The following HOXA9 variants were observed in gnomAD, a reference collection of about 807,000 sequenced individuals.
HOXA9 encodes homeobox A9.
A neutral mutation model predicts 19.0 loss-of-function variants in HOXA9; 18 were observed. The ratio of observed to expected loss-of-function variants is 0.95; its 90% confidence interval spans 0.65 to 1.40. The LOEUF (loss-of-function observed/expected upper bound fraction) is 1.40, where lower values mean the gene tolerates loss of function less well. HOXA9 is among the 40% of genes most tolerant of loss of function. The pLI is 0.00. For missense variants in HOXA9, 443 were observed against 372.2 expected (o/e 1.19, Z -1.57); for synonymous variants, 198 against 161.1 (o/e 1.23, Z -1.73).
At position 27,164,728 on chromosome 7, in the gene HOXA9, G is replaced by A. The variant is rs542299762; in HGVS notation, c.580+150C>T. On this transcript the variant is annotated intron_variant, in intron 1 of 1. Coordinates refer to ENST00000343483, the MANE Select transcript of HOXA9 (RefSeq NM_152739.4). ...TCTCCAGACTTGGGGCCCTATCTGA[G>A]GCGTCCCAAACACCAACTTCTGGCT... The A allele has an allele frequency of 2.1e-5, 27 of 1,258,192 alleles. No homozygotes were observed. In the African/African-American group the frequency reaches 3.3e-4, roughly 15 times the overall value. 77.9% of individuals were successfully genotyped at this position (1,258,192 alleles called of 1,614,324 possible). A position where few individuals can be genotyped will look rare whatever the true frequency, so the allele number is the denominator to read the frequency against.
At position 27,162,669 on chromosome 7, in the gene HOXA9, C is replaced by T. The variant is rs777287088; in HGVS notation, c.*934G>A. 19 of 211,134 alleles carry T rather than the reference C, an allele frequency of 9.0e-5. No homozygotes were observed. The highest frequency in any genetic ancestry group is 1.6e-4 in the Non-Finnish European group (17 of 103,974). 13.1% of individuals were successfully genotyped at this position (211,134 alleles called of 1,614,324 possible). A position where few individuals can be genotyped will look rare whatever the true frequency, so the allele number is the denominator to read the frequency against. On this transcript the variant is annotated 3_prime_UTR_variant, in exon 2 of 2. Transcript: ENST00000343483. ...CGTTACAATCAGCATTCATTTCCTC[C>T]AATTAAAATTAAGCATAAACCCTAG...
Position 27,165,094 on chromosome 7 carries a change from C to G in HOXA9, c.364G>C (p.Ala122Pro), listed in dbSNP as rs1278492721. ...TAAGGCCGGCTGGAGGGCAAGCCCG[C>G]GAAGGAGAGCGCACCGGGCGTGGGC... ...LEPTPGALSF[A>P]GLPSSRPYGI... Residue 122 changes from alanine (A) to proline (P), a missense_variant, in exon 1 of 2, where the codon GCG (alanine) becomes CCG (proline). Ala to Pro is a conservative substitution (Grantham distance 27). Transcript: ENST00000343483. 6.2e-7 allele frequency: 1 copy of G among 1,612,970 alleles called. No homozygotes were observed. Among genetic ancestry groups the G allele is most frequent in the Non-Finnish European group, 8.5e-7 (1 of 1,179,632 alleles).
chr7:27,163,903 A>T, intron 1 of HOXA9, 62 bp from the exon 2 acceptor site: 1 of 1,386,142 alleles, frequency 7.2e-7, no homozygotes, highest in South Asian at 1.2e-5. Flanking sequence ...GGGGCAAATG[A>T]GCCTCCTGCA....
chr7:27,163,352 C>A lies in HOXA9; in HGVS notation c.*251G>T, dbSNP rs896723340. The A allele has an allele frequency of 6.0e-5, 29 of 486,920 alleles. No individual in the cohort carries two copies. In the East Asian group the frequency reaches 7.3e-4, roughly 12 times the overall value. 30.2% of individuals were successfully genotyped at this position (486,920 alleles called of 1,614,324 possible). ...CACAGCTATCAGCACTAATGCCCCC[C>A]CCTCAACTTTTCCTTTTTCTTATAG... On this transcript the variant is annotated 3_prime_UTR_variant, in exon 2 of 2. Transcript: ENST00000343483.
Position 27,163,514 on chromosome 7 carries a change from G to A in HOXA9, c.*89C>T. 1 of 1,029,318 alleles carries A rather than the reference G, an allele frequency of 9.7e-7. No homozygotes were observed. The highest frequency in any genetic ancestry group is 1.5e-6 in the Non-Finnish European group (1 of 683,774). The allele number at this position is 1,029,318 out of a possible 1,614,324, so 63.8% of individuals were successfully genotyped here. A position where few individuals can be genotyped will look rare whatever the true frequency, so the allele number is the denominator to read the frequency against. On this transcript the variant is annotated 3_prime_UTR_variant, in exon 2 of 2. Coordinates refer to ENST00000343483, the MANE Select transcript of HOXA9 (RefSeq NM_152739.4). The stretch of plus-strand genomic sequence containing the variant: ...GGGGATGGTGGAGGCTAGGGTGGGG[G>A]TGAGAGAAGGGAGAAGGCGGAAGGG...
Position 27,163,846 on chromosome 7 carries a change from G to A in HOXA9, c.581-5C>T. On this transcript the variant is annotated splice_region_variant and splice_polypyrimidine_tract_variant and intron_variant, in intron 1 of 1. Transcript: ENST00000343483. ...GCCAGTTGGCTGCTGGGTTATCTGC[G>A]GGGAAGAGAAACACTGGGTTTAGGA... is the stretch of plus-strand genomic sequence containing the variant. 1 of 1,611,942 alleles carries A rather than the reference G, an allele frequency of 6.2e-7. No individual in the cohort carries two copies. The highest frequency in any genetic ancestry group is 8.5e-7 in the Non-Finnish European group (1 of 1,178,484).
intron 1 of HOXA9, among the ~76,000 whole-genome samples, chr7:27,164,624 T>A (rs886205476): frequency 6.6e-6 from 1 of 152,220 alleles, no homozygotes; most frequent in South Asian, 2.1e-4. Flanking sequence ...TCTTGGCTCG[T>A]CCCGAAGTGC....
Position 27,165,304 on chromosome 7 carries a change from T to G in HOXA9, c.154A>C (p.Ser52Arg), listed in dbSNP as rs758548883. 11 of 1,572,530 alleles carry G rather than the reference T, an allele frequency of 7.0e-6. No homozygotes were observed. The South Asian group carries it at 1.3e-4, about 18-fold the overall frequency. ...AATLAEHPDF[S>R]PCSFQSKATV... ...GCCTTGGACTGGAAGCTGCACGGGC[T>G]GAAGTCGGGGTGCTCGGCCAGCGTC... The change falls in exon 1 of 2, where the codon AGC becomes CGC. Residue 52 changes from serine (S) to arginine (R), a missense_variant. Coordinates refer to ENST00000343483, the MANE Select transcript of HOXA9 (RefSeq NM_152739.4).
Position 27,163,346 on chromosome 7 carries a change from G to GCC in HOXA9, c.*255_*256dup. The GCC allele has an allele frequency of 4.2e-6, 2 of 476,200 alleles. No homozygotes were observed. The highest frequency in any genetic ancestry group is 3.2e-5 in the South Asian group (1 of 31,042). 29.5% of individuals were successfully genotyped at this position (476,200 alleles called of 1,614,324 possible). ...AACACACACAGCTATCAGCACTAAT[G>GCC]CCCCCCCCTCAACTTTTCCTTTTTC... is the stretch of plus-strand genomic sequence containing the variant. On this transcript the variant is annotated 3_prime_UTR_variant, in exon 2 of 2. Transcript: ENST00000343483.
At position 27,163,334 on chromosome 7, in the gene HOXA9, A is replaced by G. The variant is rs1355250337; in HGVS notation, c.*269T>C. 2.2e-6 allele frequency: 1 copy of G among 449,144 alleles called. No individual in the cohort carries two copies. Among genetic ancestry groups the G allele is most frequent in the African/African-American group, 2.0e-5 (1 of 50,984 alleles). The allele number at this position is 449,144 out of a possible 1,614,324, so 27.8% of individuals were successfully genotyped here. A position where few individuals can be genotyped will look rare whatever the true frequency, so the allele number is the denominator to read the frequency against. On this transcript the variant is annotated 3_prime_UTR_variant, in exon 2 of 2. Coordinates refer to ENST00000343483, the MANE Select transcript of HOXA9 (RefSeq NM_152739.4). ...TATATACAAGCTAACACACACAGCTATCAGCACTAATGCCCCCCCCTCAAC... is the reference window on the plus strand; with the variant it reads ...TATATACAAGCTAACACACACAGCTGTCAGCACTAATGCCCCCCCCTCAAC...
intron 1 of HOXA9, among the ~76,000 whole-genome samples, chr7:27,164,627 C>T (rs1783277677): frequency 6.6e-6 from 1 of 152,238 alleles, no homozygotes; most frequent in African/African-American, 2.4e-5. Flanking sequence ...TGGCTCGTCC[C>T]GAAGTGCCCG....
chr7:27,163,106 A>T lies in HOXA9; in HGVS notation c.*497T>A, dbSNP rs142964255. On this transcript the variant is annotated 3_prime_UTR_variant, in exon 2 of 2. Transcript: ENST00000343483. ...ACAATGGGTGCATCACCCAGTACAC[A>T]GAAGTTTGAATCACAAAACATAATT... 67 of 219,870 alleles carry T rather than the reference A, an allele frequency of 3.0e-4. No individual in the cohort carries two copies. The highest frequency in any genetic ancestry group is 2.9e-3 in the Middle Eastern group (2 of 698). The allele number at this position is 219,870 out of a possible 1,614,324, so 13.6% of individuals were successfully genotyped here.
Position 27,165,114 on chromosome 7 carries a change from G to C in HOXA9, c.344C>G (p.Thr115Arg), listed in dbSNP as rs1370995506. The C allele has an allele frequency of 6.2e-7, 1 of 1,610,734 alleles. No homozygotes were observed. Among genetic ancestry groups the C allele is most frequent in the Non-Finnish European group, 8.5e-7 (1 of 1,178,726 alleles). Residue 115 changes from threonine (T) to arginine (R), a missense_variant, in exon 1 of 2, where the codon ACG becomes AGG. Transcript: ENST00000343483. ...GCCCGCGAAGGAGAGCGCACCGGGCGTGGGCTCCAGCCAGGAGCGCATGTA... is the reference window on the plus strand; with the variant it reads ...GCCCGCGAAGGAGAGCGCACCGGGCCTGGGCTCCAGCCAGGAGCGCATGTA... Reference protein sequence around the residue: ...GRYMRSWLEPTPGALSFAGLP... With the variant: ...GRYMRSWLEPRPGALSFAGLP...
Position 27,164,963 on chromosome 7 carries a change from A to G in HOXA9, c.495T>C (p.Asp165=), listed in dbSNP as rs1783287069. ...CGCCTTCGCTGGGTTGTTTTTCTCT[A>G]TCAACTGGAGGAGAACCACAAGCAT... ...TDYACGSPPV[D]REKQPSEGAF... Residue 165 remains aspartate, a synonymous_variant, in exon 1 of 2, where the codon GAT becomes GAC. Transcript: ENST00000343483. 1.2e-6 allele frequency: 2 copies of G among 1,614,188 alleles called. No individual in the cohort carries two copies. Among genetic ancestry groups the G allele is most frequent in the Middle Eastern group, 1.6e-4 (1 of 6,062 alleles).
At position 27,165,312 on chromosome 7, in the gene HOXA9, G is replaced by A. The variant is rs1367533942; in HGVS notation, c.146C>T (p.Pro49Leu). The part of the protein sequence containing the change: ...PRQAATLAEH[P>L]DFSPCSFQSK... ...CTGGAAGCTGCACGGGCTGAAGTCG[G>A]GGTGCTCGGCCAGCGTCGCCGCCTG... Residue 49 changes from proline to leucine, a missense_variant, in exon 1 of 2, where the codon CCC (proline) becomes CTC (leucine). By Grantham distance (98) the Pro-to-Leu change is moderately conservative (BLOSUM62 -3). Coordinates refer to ENST00000343483, the MANE Select transcript of HOXA9 (RefSeq NM_152739.4). 1 of 1,573,574 alleles carries A rather than the reference G, an allele frequency of 6.4e-7. No homozygotes were observed. The highest frequency in any genetic ancestry group is 1.3e-5 in the African/African-American group (1 of 74,116).
Position 27,164,887 on chromosome 7 carries a change from TG to T in HOXA9, c.570del (p.Ile191SerfsTer69). On this transcript the variant is annotated frameshift_variant, in exon 1 of 2. Coordinates refer to ENST00000343483, the MANE Select transcript of HOXA9 (RefSeq NM_152739.4). LOFTEE classifies it high-confidence loss of function. ...AENESGGDKP[P>X]IDPNNPAANW... Reference sequence around the variant, plus strand: ...GGGAGGAGACACTTACTGGGATCGATGGGGGGCTTGTCTCCGCCGCTCTCAT... The same window carrying T: ...GGGAGGAGACACTTACTGGGATCGATGGGGGCTTGTCTCCGCCGCTCTCAT... 1 of 1,613,830 alleles carries T rather than the reference TG, an allele frequency of 6.2e-7. No homozygotes were observed. Among genetic ancestry groups the T allele is most frequent in the Non-Finnish European group, 8.5e-7 (1 of 1,179,836 alleles).
At position 27,163,126 on chromosome 7, in the gene HOXA9, A is replaced by C. The variant is rs954762069; in HGVS notation, c.*477T>G. 5 of 222,404 alleles carry C rather than the reference A, an allele frequency of 2.2e-5. No individual in the cohort carries two copies. Among genetic ancestry groups the C allele is most frequent in the African/African-American group, 1.1e-4 (5 of 44,580 alleles). 13.8% of individuals were successfully genotyped at this position (222,404 alleles called of 1,614,324 possible). A position where few individuals can be genotyped will look rare whatever the true frequency, so the allele number is the denominator to read the frequency against. On this transcript the variant is annotated 3_prime_UTR_variant, in exon 2 of 2. Coordinates refer to ENST00000343483, the MANE Select transcript of HOXA9 (RefSeq NM_152739.4). ...TACACAGAAGTTTGAATCACAAAACATAATTACCACAATAAAACACAGTGT... is the reference window on the plus strand; with the variant it reads ...TACACAGAAGTTTGAATCACAAAACCTAATTACCACAATAAAACACAGTGT...
rs750534571 is a variant in HOXA9 at position 27,163,700 on chromosome 7, C to A, written c.722G>T (p.Arg241Leu). The A allele has an allele frequency of 1.1e-5, 18 of 1,613,790 alleles. 1 individual carries two copies. In the Admixed American group the frequency reaches 1.3e-4, roughly 12 times the overall value. The stretch of plus-strand genomic sequence containing the variant: ...CTGCCTCTCGGTGAGGTTGAGCAGT[C>A]GAGCCACCTCGTACCTGCGGTCCCT... ...LTRDRRYEVARLLNLTERQVK... is the reference protein window; with the variant it reads ...LTRDRRYEVALLLNLTERQVK... The change falls in exon 2 of 2, where the codon CGA becomes CTA. Residue 241 changes from arginine (R) to leucine (L), a missense_variant. Arg to Leu is a moderately radical substitution (Grantham distance 102, BLOSUM62 -2). Coordinates refer to ENST00000343483, the MANE Select transcript of HOXA9 (RefSeq NM_152739.4).
chr7:27,163,384 G>T lies in HOXA9; in HGVS notation c.*219C>A. 1.9e-6 allele frequency: 1 copy of T among 526,394 alleles called. No homozygotes were observed. Among genetic ancestry groups the T allele is most frequent in the Non-Finnish European group, 3.4e-6 (1 of 296,876 alleles). The allele number at this position is 526,394 out of a possible 1,614,324, so 32.6% of individuals were successfully genotyped here. On this transcript the variant is annotated 3_prime_UTR_variant, in exon 2 of 2. Coordinates refer to ENST00000343483, the MANE Select transcript of HOXA9 (RefSeq NM_152739.4). The stretch of plus-strand genomic sequence containing the variant: ...CTTTTCCTTTTTCTTATAGAAAATG[G>T]AAAGCTTACAATACCTCCTCCATCA...
Sources: allele counts gnomAD v4.1 joint callset (sites outside exome capture counted in the v4.1 genomes callset), GRCh38; gene constraint gnomAD v4.1.1; transcripts MANE v1.5; gene names NCBI Gene and HGNC (gene_info 2026-07-23, HGNC 2026-07-21).